DEPTOR: variants seen among roughly 807,000 people sequenced by gnomAD.
DEPTOR encodes the protein DEP domain containing MTOR interacting protein, also known as DEP domain-containing mTOR-interacting protein.
A neutral mutation model predicts 41.6 loss-of-function variants in DEPTOR; 41 were observed. The observed-to-expected ratio is 0.98, with a 90% CI of 0.77 to 1.28. DEPTOR has a LOEUF of 1.28. Among genes scored for constraint, DEPTOR ranks in the 50% most tolerant of loss-of-function variants. The pLI is 0.00. For missense variants in DEPTOR, 514 were observed against 527.9 expected, an observed-to-expected ratio of 0.97 and a Z score of 0.26; for synonymous variants, 195 against 192.3, an observed-to-expected ratio of 1.01 and a Z score of -0.12.
At chr8:119,980,523 GT>G (rs796323292) in intron 4 of DEPTOR, among the ~76,000 whole-genome samples, 37 of 71,188 alleles carry the variant, frequency 5.2e-4, no homozygotes, top group Non-Finnish European at 6.5e-4. Flanking sequence ...CTCTCTTTGT[GT>G]TTTTTTTTTG....
intron 1 of DEPTOR, among the ~76,000 whole-genome samples, chr8:119,881,456 A>G (rs1242236160): frequency 1.3e-5 from 2 of 151,974 alleles, no homozygotes; most frequent in Non-Finnish European, 2.9e-5. Flanking sequence ...CCAGGAAGGC[A>G]GAGGTTGCAG....
intron 8 of DEPTOR, among the ~76,000 whole-genome samples, chr8:120,042,896 C>A (rs1195886295): frequency 6.6e-6 from 1 of 151,718 alleles, no homozygotes; most frequent in Non-Finnish European, 1.5e-5. Context: ...GTTGCTCAGG[C>A]TGGAGTGCAG....
chr8:119,938,944 G>GCT (rs139892847), intron 3 of DEPTOR, among the ~76,000 whole-genome samples: 9,385 of 125,794 alleles, frequency 0.075, 299 homozygotes, highest in East Asian at 0.14. Context: ...GTTCCTTCTT[G>GCT]CTCTCTCTCT....
chr8:120,029,776 T>C (rs1407679978), intron 8 of DEPTOR, among the ~76,000 whole-genome samples: 1 of 152,108 alleles, frequency 6.6e-6, no homozygotes, highest in Non-Finnish European at 1.5e-5. Flanking sequence ...CCTAGACCCA[T>C]ATCCAGTCCG....
At chr8:119,923,864 C>G (rs1486810211) in intron 1 of DEPTOR, among the ~76,000 whole-genome samples, 3 of 146,588 alleles carry the variant, frequency 2.0e-5, no homozygotes, top group Admixed American at 6.7e-5. Flanking sequence ...TCCCTTCCCT[C>G]TGTTTTTCCT....
chr8:119,873,912 G>A lies in DEPTOR; in HGVS notation c.66G>A (p.Ala22=), dbSNP rs1399622443. ...GCAGCACCAGCGGGAGTGGCGGGGC[G>A]CAGCAAAGGGAGCTGGAGCGCATGG... ...SDSSTSGSGG[A]QQRELERMAE... is the part of the protein sequence containing the mutation. Residue 22 remains alanine (A), a synonymous_variant, in exon 1 of 9, where the codon GCG becomes GCA. Transcript: ENST00000286234. 1 of 1,613,630 alleles carries A rather than the reference G, an allele frequency of 6.2e-7. No individual in the cohort carries two copies. Among genetic ancestry groups the A allele is most frequent in the Non-Finnish European group, 8.5e-7 (1 of 1,179,810 alleles).
chr8:119,990,082 C>G (rs1211752721), intron 4 of DEPTOR, among the ~76,000 whole-genome samples: 1 of 152,126 alleles, frequency 6.6e-6, no homozygotes, highest in Non-Finnish European at 1.5e-5. Context: ...AAATCCTACC[C>G]CTTGTTCTGC....
At chr8:119,935,841 T>G (rs1209030190) in intron 3 of DEPTOR, among the ~76,000 whole-genome samples, 1 of 152,082 alleles carries the variant, frequency 6.6e-6, no homozygotes, top group African/African-American at 2.4e-5. Context: ...TACAATTTGG[T>G]TTTTCCTCAC....
intron 8 of DEPTOR, among the ~76,000 whole-genome samples, chr8:120,049,330 A>G (rs1028348850): frequency 6.6e-6 from 1 of 152,040 alleles, no homozygotes; most frequent in African/African-American, 2.4e-5. Context: ...TAAAGCTAGT[A>G]TGTCTCTGAG....
At chr8:120,031,050 T>G (rs1053721045) in intron 8 of DEPTOR, among the ~76,000 whole-genome samples, 1 of 152,156 alleles carries the variant, frequency 6.6e-6, no homozygotes, top group Non-Finnish European at 1.5e-5. Context: ...AAAATACTAG[T>G]GAGGCACAGT....
chr8:119,903,378 G>C (rs11988603), intron 1 of DEPTOR, among the ~76,000 whole-genome samples: 2 of 151,994 alleles, frequency 1.3e-5, no homozygotes, highest in Non-Finnish European at 2.9e-5. Context: ...GATTACAGGC[G>C]TGAGCCACTG....
intron 8 of DEPTOR, among the ~76,000 whole-genome samples, chr8:120,034,222 C>T (rs1285450353): frequency 4.0e-5 from 6 of 150,622 alleles, no homozygotes; most frequent in South Asian, 2.1e-4. Context: ...CAAAACACTA[C>T]GAACAAGATA....
chr8:119,904,153 C>T (rs1216076386), intron 1 of DEPTOR, among the ~76,000 whole-genome samples: 21 of 151,686 alleles, frequency 1.4e-4, no homozygotes, highest in Non-Finnish European at 2.5e-4. Flanking sequence ...AGTCTAACTC[C>T]GTCTCCCAGG....
intron 1 of DEPTOR, among the ~76,000 whole-genome samples, chr8:119,892,931 C>T (rs184099301): frequency 2.6e-5 from 4 of 152,122 alleles, no homozygotes; most frequent in East Asian, 3.9e-4. Flanking sequence ...TACAGACACA[C>T]GCCACCATGC....
At chr8:119,969,839 T>C (rs2129983445) in intron 4 of DEPTOR, 1 of 152,336 alleles carries the variant, frequency 6.6e-6, no homozygotes, top group African/African-American at 2.4e-5. Context: ...TTAGAGCTCA[T>C]GGTAAGTACC....
intron 3 of DEPTOR, among the ~76,000 whole-genome samples, chr8:119,954,953 G>T (rs1828399955): frequency 6.6e-6 from 1 of 151,856 alleles, no homozygotes; most frequent in Non-Finnish European, 1.5e-5. Flanking sequence ...CCGTCTCCTG[G>T]GTTCAAGCGA....
intron 3 of DEPTOR, among the ~76,000 whole-genome samples, chr8:119,943,487 C>T (rs952546028): frequency 1.5e-4 from 23 of 152,204 alleles, no homozygotes; most frequent in Admixed American, 1.3e-3. Flanking sequence ...CTCACTATCA[C>T]GAGAACAGCA....
rs201679931 is a variant in DEPTOR at position 119,965,293 on chromosome 8, C to G, written c.487C>G (p.Arg163Gly). 3 of 1,614,058 alleles carry G rather than the reference C, an allele frequency of 1.9e-6. No individual in the cohort carries two copies. In the South Asian group the frequency reaches 3.3e-5, roughly 18 times the overall value. Reference protein sequence around the residue: ...PREEEGVKYERTFMASEFLDW... With the variant: ...PREEEGVKYEGTFMASEFLDW... ...GGAGGAGGAAGGGGTCAAGTATGAG[C>G]GCACCTTCATGGCATCTGAATTCCT... Residue 163 changes from arginine (R) to glycine (G), a missense_variant, in exon 4 of 9, where the codon CGC (arginine) becomes GGC (glycine). Arg to Gly is a moderately radical substitution (Grantham distance 125). Transcript: ENST00000286234.
Position 119,982,421 on chromosome 8 carries a change from T to C in DEPTOR, c.604+17011T>C, listed in dbSNP as rs191820670. The stretch of plus-strand genomic sequence containing the variant: ...GATAGAAAGTGTTTGTTTCCTAAGC[T>C]TTTGATCTTATGTCTCTAGACTTGA... On this transcript the variant is annotated intron_variant, in intron 4 of 8. Coordinates refer to ENST00000286234, the MANE Select transcript of DEPTOR (RefSeq NM_022783.4). Among the ~76,000 whole-genome samples the C allele has an allele frequency of 5.3e-5, 8 of 152,318 alleles. No homozygotes were observed. The East Asian group carries it at 1.5e-3, about 29-fold the overall frequency.
Sources: allele counts gnomAD v4.1 joint callset (sites outside exome capture counted in the v4.1 genomes callset), GRCh38; gene constraint gnomAD v4.1.1; transcripts MANE v1.5; gene names NCBI Gene and HGNC (gene_info 2026-07-23, HGNC 2026-07-21).